The following AGBL4 variants were observed in gnomAD, a reference collection of about 807,000 sequenced individuals.
The protein encoded by AGBL4 is AGBL carboxypeptidase 4, also known as cytosolic carboxypeptidase 6.
A neutral mutation model predicts 66.4 loss-of-function variants in AGBL4; 58 were observed. That is an observed-to-expected ratio of 0.87 (90% CI 0.71 to 1.09). The LOEUF is 1.09. Ranked by LOEUF, AGBL4 falls within the 50% of genes least tolerant of loss-of-function variation. The pLI is 0.00. For synonymous variants in AGBL4, 234 were observed against 222.9 expected (o/e 1.05, Z -0.44); for missense variants, 579 against 631.0 (o/e 0.92, Z 0.88).
At chr1:49,590,573 T>C (rs1028868623) in intron 3 of AGBL4, among the ~76,000 whole-genome samples, 2 of 152,086 alleles carry the variant, frequency 1.3e-5, no homozygotes, top group Non-Finnish European at 2.9e-5. Flanking sequence ...TACATTTCTA[T>C]ATACTTTTCA....
chr1:49,297,580 T>C (rs1428554548), intron 3 of AGBL4, among the ~76,000 whole-genome samples: 1 of 152,254 alleles, frequency 6.6e-6, no homozygotes, highest in African/African-American at 2.4e-5. Flanking sequence ...TCTTGCTTCC[T>C]GTAGCACTTG....
intron 2 of AGBL4, among the ~76,000 whole-genome samples, chr1:49,717,736 G>A (rs573277254): frequency 5.9e-5 from 9 of 151,648 alleles, no homozygotes; most frequent in East Asian, 5.8e-4. Context: ...TTGTTATATC[G>A]GCAGCACCTG....
At chr1:49,573,893 C>G (rs1439550005) in intron 3 of AGBL4, among the ~76,000 whole-genome samples, 2 of 152,158 alleles carry the variant, frequency 1.3e-5, no homozygotes, top group Non-Finnish European at 2.9e-5. Context: ...CCAGAAGGAA[C>G]AGCTTCCCCA....
chr1:48,822,370 G>A (rs978414101), intron 6 of AGBL4, among the ~76,000 whole-genome samples: 37 of 152,188 alleles, frequency 2.4e-4, no homozygotes, highest in Non-Finnish European at 1.8e-4. Flanking sequence ...ATTGATACAT[G>A]CAACAATCTG....
intron 9 of AGBL4, among the ~76,000 whole-genome samples, chr1:48,603,437 T>C (rs946590125): frequency 6.6e-6 from 1 of 152,022 alleles, no homozygotes; most frequent in African/African-American, 2.4e-5. Flanking sequence ...GCCACAGCAC[T>C]CCAGCCTCGC....
chr1:49,700,267 G>T (rs1647062520), intron 2 of AGBL4, among the ~76,000 whole-genome samples: 1 of 149,758 alleles, frequency 6.7e-6, no homozygotes. Context: ...TTGAAAAAGG[G>T]TAATTCCACC....
intron 3 of AGBL4, among the ~76,000 whole-genome samples, chr1:49,471,516 G>T (rs971864136): frequency 6.6e-6 from 1 of 151,854 alleles, no homozygotes; most frequent in African/African-American, 2.4e-5. Context: ...TAAAGGTGGA[G>T]GGAAGCAGCA....
At chr1:49,814,187 C>A (rs1181612731) in intron 2 of AGBL4, among the ~76,000 whole-genome samples, 2 of 152,048 alleles carry the variant, frequency 1.3e-5, no homozygotes, top group African/African-American at 4.8e-5. Flanking sequence ...GTGTAGCCAG[C>A]AAAGACCTCC....
At chr1:48,609,974 G>T (rs1295546474) in intron 9 of AGBL4, among the ~76,000 whole-genome samples, 1 of 152,194 alleles carries the variant, frequency 6.6e-6, no homozygotes, top group East Asian at 1.9e-4. Flanking sequence ...AAATAAAAGA[G>T]AACTGGACTT....
intron 1 of AGBL4, among the ~76,000 whole-genome samples, chr1:50,008,965 C>T (rs915393919): frequency 6.6e-6 from 1 of 152,010 alleles, no homozygotes; most frequent in Non-Finnish European, 1.5e-5. Context: ...AAATCCAAAA[C>T]CAAAACAGAC....
At chr1:49,489,965 A>G (rs1647154163) in intron 3 of AGBL4, among the ~76,000 whole-genome samples, 1 of 151,782 alleles carries the variant, frequency 6.6e-6, no homozygotes, top group Non-Finnish European at 1.5e-5. Flanking sequence ...TATGTAGGAA[A>G]TCATCATCTG....
At chr1:48,793,383 A>G (rs1270616982) in intron 6 of AGBL4, among the ~76,000 whole-genome samples, 1 of 152,158 alleles carries the variant, frequency 6.6e-6, no homozygotes, top group Non-Finnish European at 1.5e-5. Context: ...GCAGCGCCCC[A>G]AAAATAAAAG....
intron 3 of AGBL4, among the ~76,000 whole-genome samples, chr1:49,316,076 G>A (rs79083743): frequency 6.6e-6 from 1 of 152,100 alleles, no homozygotes; most frequent in East Asian, 1.9e-4. Flanking sequence ...ATGACAGTAA[G>A]ATCAGTGGTT....
At chr1:49,260,872 C>A (rs1275412509) in intron 3 of AGBL4, among the ~76,000 whole-genome samples, 1 of 151,028 alleles carries the variant, frequency 6.6e-6, no homozygotes, top group Non-Finnish European at 1.5e-5. Flanking sequence ...GAATTTTAGA[C>A]CAATATCCTT....
At chr1:48,623,517 C>T (rs1645449913) in intron 9 of AGBL4, among the ~76,000 whole-genome samples, 1 of 152,236 alleles carries the variant, frequency 6.6e-6, no homozygotes, top group Non-Finnish European at 1.5e-5. Context: ...CTGTTTCCAC[C>T]ACAGTAAATA....
At chr1:49,706,755 C>G (rs538376065) in intron 2 of AGBL4, among the ~76,000 whole-genome samples, 1 of 152,080 alleles carries the variant, frequency 6.6e-6, no homozygotes, top group Admixed American at 6.6e-5. Flanking sequence ...TCTCTTTGTT[C>G]TCATTGGTTT....
Position 49,235,959 on chromosome 1 carries a change from A to G in AGBL4, c.377+9811T>C, listed in dbSNP as rs184610580. On this transcript the variant is annotated intron_variant, in intron 4 of 13. Transcript: ENST00000371839. ...CACCCTACCCTATTTCTAGTTGAAC[A>G]TGTTTCTTTTTCTCAGGTCAAATTA... 9.2e-5 allele frequency among the ~76,000 whole-genome samples: 14 copies of G among 152,094 alleles called. No individual in the cohort carries two copies. In the East Asian group the frequency reaches 2.5e-3, roughly 27 times the overall value.
chr1:49,741,906 T>C (rs1288563753), intron 2 of AGBL4, among the ~76,000 whole-genome samples: 1 of 151,958 alleles, frequency 6.6e-6, no homozygotes, highest in Non-Finnish European at 1.5e-5. Context: ...TATCTCAAAA[T>C]AATAAGAGCT....
chr1:48,926,541 G>A (rs1654589584), intron 5 of AGBL4, among the ~76,000 whole-genome samples: 5 of 151,450 alleles, frequency 3.3e-5, no homozygotes, highest in South Asian at 2.1e-4. Flanking sequence ...CGCCCACCTC[G>A]GACTCCCAAA....
Sources: gnomAD v4.1 joint callset for allele counts (sites outside exome capture counted in the v4.1 genomes callset) on GRCh38, gnomAD v4.1.1 for gene constraint, MANE v1.5 for transcripts, NCBI Gene and HGNC (gene_info 2026-07-23, HGNC 2026-07-21) for gene names.